The following KLF13 variants were observed in gnomAD, a reference collection of about 807,000 sequenced individuals.
KLF13 encodes KLF transcription factor 13.
Under a neutral mutation model 16.7 loss-of-function variants are expected in KLF13, and 8 were observed. The ratio of observed to expected loss-of-function variants is 0.48; its 90% CI spans 0.28 to 0.87. The LOEUF (loss-of-function observed/expected upper bound fraction) is 0.87. Among genes scored for constraint, KLF13 ranks in the 40% least tolerant of loss-of-function variants. The pLI, the probability that KLF13 is intolerant of heterozygous loss-of-function variation, is 0.10. For missense variants in KLF13, 447 were observed against 452.2 expected, an observed-to-expected ratio of 0.99 and a Z score of 0.10; for synonymous variants, 245 against 208.4, an observed-to-expected ratio of 1.18 and a Z score of -1.51.
At chr15:31,368,172 A>G (rs1245480262) in intron 1 of KLF13, among the ~76,000 whole-genome samples, 1 of 152,172 alleles carries the variant, frequency 6.6e-6, no homozygotes, top group Non-Finnish European at 1.5e-5. Flanking sequence ...CTGGAGGGTT[A>G]TCACTTGGCT....
chr15:31,422,746 A>G (rs1345320472), intron 1 of KLF13, among the ~76,000 whole-genome samples: 1 of 152,124 alleles, frequency 6.6e-6, no homozygotes, highest in Non-Finnish European at 1.5e-5. Flanking sequence ...TAAAAGAATC[A>G]ATTTTCAGCT....
intron 2 of KLF13, among the ~76,000 whole-genome samples, chr15:31,401,376 C>T (rs1388917971): frequency 6.6e-6 from 1 of 152,216 alleles, no homozygotes; most frequent in Non-Finnish European, 1.5e-5. Flanking sequence ...TCCCTTGGGC[C>T]TGCTTTTTGT....
At chr15:31,333,979 C>T (rs2038882796) in intron 1 of KLF13, among the ~76,000 whole-genome samples, 1 of 152,010 alleles carries the variant, frequency 6.6e-6, no homozygotes, top group African/African-American at 2.4e-5. Flanking sequence ...GGGATATTAG[C>T]CTGTCCTACT....
chr15:31,418,178 C>T (rs2040278474), intron 1 of KLF13, among the ~76,000 whole-genome samples: 1 of 152,106 alleles, frequency 6.6e-6, no homozygotes, highest in Admixed American at 6.5e-5. Flanking sequence ...TCTCCATATA[C>T]TGTATATCAA....
In KLF13 at chr15:31,430,347, A is replaced by AC. The variant is rs529455609; in HGVS notation, n.118-5023_118-5022insC. ...AAAAATGGGTGTCTTAGTCTGTGTCATGCTGCTATCACAGTACACCAAGGA... is the reference window on the plus strand; with the variant it reads ...AAAAATGGGTGTCTTAGTCTGTGTCACTGCTGCTATCACAGTACACCAAGGA... On this transcript the variant is annotated intron_variant and non_coding_transcript_variant, in intron 1 of 1. Transcript: ENST00000558225. 5.3e-5 allele frequency among the ~76,000 whole-genome samples: 8 copies of AC among 152,344 alleles called. No individual in the cohort carries two copies. In the South Asian group the frequency reaches 1.7e-3, roughly 32 times the overall value.
At chr15:31,339,250 AT>A (rs998417321) in intron 1 of KLF13, among the ~76,000 whole-genome samples, 298 of 146,268 alleles carry the variant, frequency 2.0e-3, no homozygotes, top group Middle Eastern at 7.2e-3. Flanking sequence ...TTCTATTTTG[AT>A]TTTTTTTTTT....
At chr15:31,433,169 GC>G (rs1202664984) in intron 1 of KLF13, among the ~76,000 whole-genome samples, 2 of 152,216 alleles carry the variant, frequency 1.3e-5, no homozygotes, top group Non-Finnish European at 2.9e-5. Context: ...TGGGCGTGGA[GC>G]AGTGCTTAGT....
At chr15:31,417,480 G>C (rs2040268451) in intron 1 of KLF13, among the ~76,000 whole-genome samples, 1 of 151,258 alleles carries the variant, frequency 6.6e-6, no homozygotes, top group Non-Finnish European at 1.5e-5. Flanking sequence ...GGGTGACAGA[G>C]TGAGACTCTG....
chr15:31,333,323 G>A (rs894366959), intron 1 of KLF13, among the ~76,000 whole-genome samples: 3 of 152,210 alleles, frequency 2.0e-5, no homozygotes, highest in Non-Finnish European at 4.4e-5. Context: ...AGCCGCCCCC[G>A]AGGTGGGTGT....
chr15:31,335,441 G>GTGTA (rs2038912921), intron 1 of KLF13, among the ~76,000 whole-genome samples: 1 of 66,998 alleles, frequency 1.5e-5, no homozygotes, highest in African/African-American at 5.3e-5. Context: ...GTGTATGTGT[G>GTGTA]TGTGTGTGTG....
intron 1 of KLF13, among the ~76,000 whole-genome samples, chr15:31,336,361 G>T (rs1418722419): frequency 6.6e-6 from 1 of 152,146 alleles, no homozygotes; most frequent in Non-Finnish European, 1.5e-5. Flanking sequence ...TCCAAGCTGT[G>T]GATGGGGAGG....
chr15:31,358,403 T>C (rs1334743655), intron 1 of KLF13, among the ~76,000 whole-genome samples: 1 of 152,258 alleles, frequency 6.6e-6, no homozygotes, highest in African/African-American at 2.4e-5. Flanking sequence ...CTCCAGTTGC[T>C]CCACCAGCAT....
intron 1 of KLF13, among the ~76,000 whole-genome samples, chr15:31,361,818 A>ACCCC (rs1340053671): frequency 2.3e-4 from 18 of 77,456 alleles, no homozygotes; most frequent in African/African-American, 9.2e-4. Context: ...GGTGCCCCCC[A>ACCCC]CCCCCCACCC....
intron 1 of KLF13, among the ~76,000 whole-genome samples, chr15:31,354,325 G>A (rs2039265329): frequency 6.6e-6 from 1 of 152,224 alleles, no homozygotes; most frequent in South Asian, 2.1e-4. Context: ...AGGAGGAATG[G>A]CCTCCAGGCA....
intron 1 of KLF13, among the ~76,000 whole-genome samples, chr15:31,410,428 C>T (rs79966725): frequency 0.032 from 4,897 of 151,900 alleles, 258 homozygotes; most frequent in African/African-American, 0.11. Context: ...AGGGACTAAA[C>T]GCATCAATTA....
chr15:31,360,108 T>C (rs568155221), intron 1 of KLF13, among the ~76,000 whole-genome samples: 1 of 152,342 alleles, frequency 6.6e-6, no homozygotes, highest in East Asian at 1.9e-4. Context: ...TCTGGGGGCC[T>C]GGCCGTGGGA....
At position 31,426,971 on chromosome 15, in the gene KLF13, TGGAGTCCA is replaced by T. The variant is rs1376210591; in HGVS notation, n.118-8395_118-8388del. Among the ~76,000 whole-genome samples, 4 of 152,358 alleles carry T rather than the reference TGGAGTCCA, an allele frequency of 2.6e-5. No homozygotes were observed. The East Asian group carries it at 5.8e-4, about 22-fold the overall frequency. On this transcript the variant is annotated intron_variant and non_coding_transcript_variant, in intron 1 of 1. Transcript: ENST00000558225. ...TCAGAACTCCAGTCTCTCCAGCCTT[TGGAGTCCA>T]GGACTTATGCTAGTGGTCCCCTGGA... is the stretch of plus-strand genomic sequence containing the variant.
chr15:31,345,611 A>T (rs2039102036), intron 1 of KLF13, among the ~76,000 whole-genome samples: 1 of 152,126 alleles, frequency 6.6e-6, no homozygotes, highest in South Asian at 2.1e-4. Context: ...CGGGAGGTGT[A>T]CCGTTCCTTT....
intron 1 of KLF13, chr15:31,420,565 C>A: frequency 2.0e-6 from 1 of 490,826 alleles, no homozygotes; most frequent in Admixed American, 2.8e-5. Flanking sequence ...ACATTGATAG[C>A]CCTTTGAACA....
Sources: allele counts gnomAD v4.1 joint callset (sites outside exome capture counted in the v4.1 genomes callset), GRCh38; gene constraint gnomAD v4.1.1; transcripts MANE v1.5; gene names NCBI Gene and HGNC (gene_info 2026-07-23, HGNC 2026-07-21).